ADGRV1: variants seen among roughly 807,000 people sequenced by gnomAD.
ADGRV1 encodes the protein adhesion G protein-coupled receptor V1.
Under a neutral mutation model 596.2 loss-of-function variants are expected in ADGRV1, and 359 were observed. The ratio of observed to expected loss-of-function variants is 0.60; its 90% CI spans 0.55 to 0.66. The LOEUF (loss-of-function observed/expected upper bound fraction) is 0.66, where lower values mean the gene tolerates loss of function less well. Ranked by LOEUF, ADGRV1 falls within the 30% of genes least tolerant of loss-of-function variation. ADGRV1 has a pLI of 0.00. For missense variants in ADGRV1, 7,274 were observed against 7,575.6 expected, an observed-to-expected ratio of 0.96 and a Z score of 1.48; for synonymous variants, 2,681 against 2,679.2, an observed-to-expected ratio of 1.00 and a Z score of -0.02.
At chr5:90,906,526 G>A in intron 83 of ADGRV1, among the ~76,000 whole-genome samples, 1 of 152,068 alleles carries the variant, frequency 6.6e-6, no homozygotes, top group Non-Finnish European at 1.5e-5. Context: ...GTTTCTCATA[G>A]TAGTCTCTAA....
At chr5:90,901,528 C>CTACT (rs1453285878) in intron 83 of ADGRV1, among the ~76,000 whole-genome samples, 1 of 152,140 alleles carries the variant, frequency 6.6e-6, no homozygotes, top group Non-Finnish European at 1.5e-5. Context: ...TTTGCTCCAG[C>CTACT]TACTTACATA....
At chr5:90,824,020 A>T (rs1279026222) in intron 76 of ADGRV1, among the ~76,000 whole-genome samples, 1 of 152,132 alleles carries the variant, frequency 6.6e-6, no homozygotes, top group Non-Finnish European at 1.5e-5. Flanking sequence ...CGATATGCTA[A>T]CTCTTCTACA....
chr5:91,135,018 C>T (rs1189501002), intron 87 of ADGRV1, among the ~76,000 whole-genome samples: 2 of 151,750 alleles, frequency 1.3e-5, no homozygotes, highest in Non-Finnish European at 2.9e-5. Context: ...CCCGTCTCTA[C>T]AAGAAAAACA....
At chr5:90,612,542 C>T (rs1762839900) in intron 1 of ADGRV1, among the ~76,000 whole-genome samples, 1 of 151,954 alleles carries the variant, frequency 6.6e-6, no homozygotes, top group African/African-American at 2.4e-5. Context: ...TTGACTAACC[C>T]ATCTCTGCTT....
At chr5:91,120,443 C>T (rs934934675) in intron 87 of ADGRV1, among the ~76,000 whole-genome samples, 1 of 152,210 alleles carries the variant, frequency 6.6e-6, no homozygotes, top group African/African-American at 2.4e-5. Context: ...TCTGGCTTAC[C>T]TAATAGGCAT....
intron 68 of ADGRV1, 136 bp from the exon 69 acceptor site, chr5:90,789,566 C>T (rs899822671): frequency 6.1e-6 from 3 of 491,156 alleles, no homozygotes; most frequent in African/African-American, 5.9e-5. Flanking sequence ...AATTAGGTAG[C>T]TAAGTAGAGT....
chr5:90,991,202 A>G (rs1466501648), intron 85 of ADGRV1, among the ~76,000 whole-genome samples: 1 of 152,250 alleles, frequency 6.6e-6, no homozygotes, highest in Non-Finnish European at 1.5e-5. Flanking sequence ...TGTCAATAAC[A>G]GTAAAAATGA....
intron 87 of ADGRV1, among the ~76,000 whole-genome samples, chr5:91,120,565 C>G (rs1793224297): frequency 6.6e-6 from 1 of 152,008 alleles, no homozygotes; most frequent in Non-Finnish European, 1.5e-5. Context: ...GTTTTCAGAG[C>G]TTTTGGACCC....
chr5:90,927,655 G>A (rs571402866), intron 83 of ADGRV1, among the ~76,000 whole-genome samples: 4 of 152,004 alleles, frequency 2.6e-5, no homozygotes, highest in African/African-American at 7.2e-5. Flanking sequence ...GTTGTTATGT[G>A]TGAATTTGAT....
intron 1 of ADGRV1, among the ~76,000 whole-genome samples, chr5:90,565,161 C>T (rs991119176): frequency 1.3e-5 from 2 of 152,148 alleles, no homozygotes; most frequent in African/African-American, 2.4e-5. Context: ...CGTTTGAACG[C>T]GGGAGACAGA....
chr5:90,683,353 G>A (rs1240594798), intron 27 of ADGRV1, among the ~76,000 whole-genome samples: 1 of 152,062 alleles, frequency 6.6e-6, no homozygotes, highest in African/African-American at 2.4e-5. Context: ...TGGGACTACA[G>A]GCATGTGCCA....
At chr5:90,633,183 A>T (rs1765718236) in intron 9 of ADGRV1, among the ~76,000 whole-genome samples, 1 of 152,162 alleles carries the variant, frequency 6.6e-6, no homozygotes, top group Non-Finnish European at 1.5e-5. Flanking sequence ...GATTTAGCAG[A>T]TGGAACCCAG....
intron 79 of ADGRV1, among the ~76,000 whole-genome samples, chr5:90,849,362 G>C (rs1238508511): frequency 6.6e-6 from 1 of 151,994 alleles, no homozygotes; most frequent in Non-Finnish European, 1.5e-5. Flanking sequence ...CTATGCTATA[G>C]GTACTATACT....
chr5:90,910,660 A>T (rs2150688735), intron 83 of ADGRV1, among the ~76,000 whole-genome samples: 1 of 151,962 alleles, frequency 6.6e-6, no homozygotes, highest in Middle Eastern at 3.4e-3. Context: ...TATTATAGAT[A>T]AATATTTATA....
intron 84 of ADGRV1, among the ~76,000 whole-genome samples, chr5:90,976,870 A>G (rs1779659192): frequency 6.6e-6 from 1 of 152,168 alleles, no homozygotes. Flanking sequence ...TTGAAATATA[A>G]TCTTTTCTTT....
At chr5:90,673,490 A>G (rs907166735) in intron 22 of ADGRV1, among the ~76,000 whole-genome samples, 7 of 152,202 alleles carry the variant, frequency 4.6e-5, no homozygotes, top group Non-Finnish European at 7.3e-5. Context: ...TGGGACTGCT[A>G]TAACAACATA....
At position 90,774,173 on chromosome 5, in the gene ADGRV1, T is replaced by A. The variant is rs1335050843; in HGVS notation, c.12286-13T>A. 1.3e-6 allele frequency: 2 copies of A among 1,485,746 alleles called. No individual in the cohort carries two copies. The highest frequency in any genetic ancestry group is 1.7e-5 in the Admixed American group (1 of 57,216). The allele number at this position is 1,485,746 out of a possible 1,614,324, so 92.0% of individuals were successfully genotyped here. On this transcript the variant is annotated splice_polypyrimidine_tract_variant and intron_variant, in intron 59 of 89. Coordinates refer to ENST00000405460, the MANE Select transcript of ADGRV1 (RefSeq NM_032119.4). ...CAATCTGGAAAATGCACTGTTTCTG[T>A]CATTGGATGTAGACTGAGTCCCAGA...
intron 5 of ADGRV1, among the ~76,000 whole-genome samples, chr5:90,624,276 A>G (rs1764461389): frequency 6.6e-6 from 1 of 152,218 alleles, no homozygotes; most frequent in Non-Finnish European, 1.5e-5. Flanking sequence ...GGTACTTAGG[A>G]ATATGCATTT....
chr5:90,691,424 G>A (rs564864676), intron 31 of ADGRV1, among the ~76,000 whole-genome samples: 1 of 133,256 alleles, frequency 7.5e-6, no homozygotes, highest in Non-Finnish European at 1.5e-5. Context: ...TACGCTTGTC[G>A]CCCAGGCTGG....
Sources: gnomAD v4.1 joint callset for allele counts (sites outside exome capture counted in the v4.1 genomes callset) on GRCh38, gnomAD v4.1.1 for gene constraint, MANE v1.5 for transcripts, NCBI Gene and HGNC (gene_info 2026-07-23, HGNC 2026-07-21) for gene names.